Variants in PLEKHG7 observed in about 807,000 individuals in gnomAD.
PLEKHG7 encodes pleckstrin homology domain-containing family G member 7.
In PLEKHG7, 77 loss-of-function variants were observed where a neutral mutation model predicts 85.2. The observed-to-expected ratio is 0.90, with a 90% CI of 0.75 to 1.09. The LOEUF is 1.09. Among genes scored for constraint, PLEKHG7 ranks in the 50% least tolerant of loss-of-function variants. PLEKHG7 has a pLI of 0.00. For synonymous variants in PLEKHG7, 301 were observed against 302.4 expected, an observed-to-expected ratio of 1.00 and a Z score of 0.05; for missense variants, 777 against 804.3, an observed-to-expected ratio of 0.97 and a Z score of 0.41.
intron 3 of PLEKHG7, among the ~76,000 whole-genome samples, chr12:92,717,994 A>G (rs1382555009): frequency 6.6e-6 from 1 of 152,122 alleles, no homozygotes; most frequent in Non-Finnish European, 1.5e-5. Context: ...TCCTTTCTAA[A>G]ATTTTCTAAC....
intron 13 of PLEKHG7, among the ~76,000 whole-genome samples, chr12:92,758,265 C>T (rs1872891417): frequency 6.6e-6 from 1 of 152,202 alleles, no homozygotes; most frequent in African/African-American, 2.4e-5. Flanking sequence ...CTTCTCCTAA[C>T]ACATTAGAAA....
At chr12:92,757,852 T>G (rs1183635743) in intron 13 of PLEKHG7, among the ~76,000 whole-genome samples, 7 of 152,020 alleles carry the variant, frequency 4.6e-5, no homozygotes, top group Non-Finnish European at 1.0e-4. Flanking sequence ...GACAGGGAAG[T>G]GATAGGTTAA....
intron 3 of PLEKHG7, among the ~76,000 whole-genome samples, chr12:92,711,038 C>A (rs1399044843): frequency 1.3e-5 from 2 of 152,206 alleles, no homozygotes; most frequent in African/African-American, 4.8e-5. Flanking sequence ...TTCTTCCAAG[C>A]CCCTGACCAT....
Position 92,740,856 on chromosome 12 carries a change from T to C in PLEKHG7, c.943T>C (p.Phe315Leu). 6.3e-7 allele frequency: 1 copy of C among 1,590,964 alleles called. No individual in the cohort carries two copies. Among genetic ancestry groups the C allele is most frequent in the Non-Finnish European group, 8.6e-7 (1 of 1,163,470 alleles). Reference protein sequence around the residue: ...LDHLLVLKMIFMNTLRYLQTH... With the variant: ...LDHLLVLKMILMNTLRYLQTH... ...GTATATATTTTTTATTTCAAAGATC[T>C]TTATGAATACACTAAGATATCTGCA... is the stretch of plus-strand genomic sequence containing the variant. Residue 315 changes from phenylalanine (F) to leucine (L), a missense_variant, in exon 8 of 17, where the codon TTT (phenylalanine) becomes CTT (leucine). Phe to Leu is a conservative substitution (Grantham distance 22). Around this residue, in one of 3 missense-constraint regions of PLEKHG7, gnomAD observed 520 missense variants for 544.0 expected, o/e 0.96. Coordinates refer to ENST00000344636, the MANE Select transcript of PLEKHG7 (RefSeq NM_001377329.1).
rs150352839 is a variant in PLEKHG7 at position 92,727,312 on chromosome 12, G to A, written c.531-1681G>A. Among the ~76,000 whole-genome samples the A allele has an allele frequency of 1.4e-4, 22 of 152,144 alleles. No individual in the cohort carries two copies. The East Asian group carries it at 4.1e-3, about 28-fold the overall frequency. ...AGTACATGTGCATATTTGTTCCACG[G>A]GTATATTGCATCATGGAGGAGATCA... On this transcript the variant is annotated intron_variant, in intron 3 of 16. Coordinates refer to ENST00000344636, the MANE Select transcript of PLEKHG7 (RefSeq NM_001377329.1).
chr12:92,730,891 T>C (rs1658860450), intron 4 of PLEKHG7, among the ~76,000 whole-genome samples: 1 of 152,196 alleles, frequency 6.6e-6, no homozygotes, highest in African/African-American at 2.4e-5. Context: ...GCCTCCTCCC[T>C]ATACCCCTCT....
intron 3 of PLEKHG7, chr12:92,721,569 G>A: frequency 1.8e-6 from 2 of 1,114,154 alleles, no homozygotes; most frequent in Non-Finnish European, 2.3e-6. Context: ...TGGTGGGTGG[G>A]GGTGGGGAAA....
intron 14 of PLEKHG7, among the ~76,000 whole-genome samples, chr12:92,763,555 C>T (rs1195456834): frequency 6.6e-6 from 1 of 152,150 alleles, no homozygotes; most frequent in Non-Finnish European, 1.5e-5. Context: ...TAGCTCACTC[C>T]TGTAATCCCA....
At chr12:92,758,422 G>A (rs1418845626) in intron 13 of PLEKHG7, among the ~76,000 whole-genome samples, 2 of 152,236 alleles carry the variant, frequency 1.3e-5, no homozygotes, top group Non-Finnish European at 2.9e-5. Flanking sequence ...GCCATGAGTG[G>A]TAGAGGGAGT....
At chr12:92,749,207 A>G (rs971357733) in intron 10 of PLEKHG7, among the ~76,000 whole-genome samples, 2 of 152,222 alleles carry the variant, frequency 1.3e-5, no homozygotes, top group African/African-American at 4.8e-5. Context: ...GCTAAGCTTT[A>G]TGAATGTATG....
chr12:92,732,995 C>A (rs1872036114), intron 5 of PLEKHG7, among the ~76,000 whole-genome samples: 2 of 152,212 alleles, frequency 1.3e-5, no homozygotes, highest in African/African-American at 4.8e-5. Context: ...GCCTTATGGA[C>A]TGTTACTATG....
chr12:92,753,984 C>T (rs1234369115), intron 10 of PLEKHG7, 106 bp from the exon 11 acceptor site: 1 of 1,129,970 alleles, frequency 8.8e-7, no homozygotes, highest in South Asian at 1.5e-5. Context: ...ACAAGTAGGT[C>T]CTGCAGTTAC....
intron 3 of PLEKHG7, among the ~76,000 whole-genome samples, chr12:92,710,155 C>T (rs1188874767): frequency 6.6e-6 from 1 of 152,160 alleles, no homozygotes; most frequent in Non-Finnish European, 1.5e-5. Context: ...ACTTTGACTT[C>T]CACCCCTTGA....
chr12:92,756,560 A>G (rs1019982034), intron 13 of PLEKHG7, among the ~76,000 whole-genome samples, 169 bp downstream of exon 13: 1 of 152,230 alleles, frequency 6.6e-6, no homozygotes, highest in African/African-American at 2.4e-5. Flanking sequence ...TTGAATGAAG[A>G]CTTCGCAACA....
At chr12:92,746,725 A>G (rs995751287) in intron 10 of PLEKHG7, among the ~76,000 whole-genome samples, 2 of 152,254 alleles carry the variant, frequency 1.3e-5, no homozygotes, top group Non-Finnish European at 2.9e-5. Context: ...TCCTATATAC[A>G]TATATTCAAA....
At position 92,761,631 on chromosome 12, in the gene PLEKHG7, A is replaced by AAAGAAAGAAAGGAAGG. The variant is rs762038377; in HGVS notation, c.1637-110_1637-109insGAAGGAAGAAAGAAAG. The AAAGAAAGAAAGGAAGG allele has an allele frequency of 4.5e-5, 7 of 155,430 alleles. No individual in the cohort carries two copies. In the South Asian group the frequency reaches 4.9e-4, roughly 11 times the overall value. 9.6% of individuals were successfully genotyped at this position (155,430 alleles called of 1,614,324 possible). On this transcript the variant is annotated intron_variant, in intron 13 of 16. Coordinates refer to ENST00000344636, the MANE Select transcript of PLEKHG7 (RefSeq NM_001377329.1). ...AAAAAGAAAGAAAGAAAGAAGAAAG[A>AAAGAAAGAAAGGAAGG]AAGAAAGAAAGAAAGAAAGAAAGAA...
In PLEKHG7 at chr12:92,749,901, T is replaced by C. The variant is rs183362642; in HGVS notation, c.1252-4189T>C. ...TTTTATTTTTTATTTTATTTTATTT[T>C]ATTTCATTTATTTTATTTTATTTTA... is the stretch of plus-strand genomic sequence containing the variant. On this transcript the variant is annotated intron_variant, in intron 10 of 16. Transcript: ENST00000344636. 2.1e-3 allele frequency among the ~76,000 whole-genome samples: 235 copies of C among 110,602 alleles called. 1 individual carries two copies. The highest frequency in any genetic ancestry group is 7.1e-3 in the African/African-American group (209 of 29,330). 72.6% of individuals were successfully genotyped at this position (110,602 alleles called of 152,430 possible). A position where few individuals can be genotyped will look rare whatever the true frequency, so the allele number is the denominator to read the frequency against.
At chr12:92,739,689 A>G (rs1182524545) in intron 7 of PLEKHG7, among the ~76,000 whole-genome samples, 1 of 152,254 alleles carries the variant, frequency 6.6e-6, no homozygotes, top group African/African-American at 2.4e-5. Context: ...TGTAACTCAT[A>G]TAATAAATAT....
chr12:92,711,180 G>A (rs1019609206), intron 3 of PLEKHG7, among the ~76,000 whole-genome samples: 3 of 152,152 alleles, frequency 2.0e-5, no homozygotes, highest in Admixed American at 6.5e-5. Flanking sequence ...TCCTTTCACC[G>A]TTATCCTTCA....
Sources: allele counts gnomAD v4.1 joint callset (sites outside exome capture counted in the v4.1 genomes callset), GRCh38; gene constraint gnomAD v4.1.1; regional missense constraint gnomAD v4.1.1; transcripts MANE v1.5; gene names NCBI Gene and HGNC (gene_info 2026-07-23, HGNC 2026-07-21).